SPAG16: variants seen among roughly 807,000 people sequenced by gnomAD.
The protein encoded by SPAG16 is sperm associated antigen 16, also known as sperm-associated antigen 16 protein.
In SPAG16, 86 loss-of-function variants were observed where a neutral mutation model predicts 80.4. That is an observed-to-expected ratio of 1.07 (90% CI 0.90 to 1.28). SPAG16 has a LOEUF of 1.28. Ranked by LOEUF, SPAG16 falls within the 50% of genes most tolerant of loss-of-function variation. The pLI is 0.00. For missense variants in SPAG16, 870 were observed against 765.3 expected (o/e 1.14, Z -1.61); for synonymous variants, 294 against 265.9 (o/e 1.11, Z -1.03).
intron 11 of SPAG16, among the ~76,000 whole-genome samples, chr2:213,914,424 A>T (rs2077851107): frequency 6.6e-6 from 1 of 152,090 alleles, no homozygotes; most frequent in Admixed American, 6.6e-5. Context: ...AAATTTATTT[A>T]TTTTATTACT....
intron 12 of SPAG16, among the ~76,000 whole-genome samples, chr2:213,931,685 AC>A (rs2078757655): frequency 6.6e-6 from 1 of 152,120 alleles, no homozygotes; most frequent in Non-Finnish European, 1.5e-5. Flanking sequence ...TGACTTGACA[AC>A]TTTTCTTTAT....
chr2:213,861,929 G>A (rs924430683), intron 10 of SPAG16, among the ~76,000 whole-genome samples: 19 of 152,088 alleles, frequency 1.2e-4, no homozygotes, highest in Admixed American at 1.0e-3. Context: ...CAATTTAAGT[G>A]GTAATGTAGG....
chr2:214,074,701 C>G (rs2050978980), intron 13 of SPAG16, among the ~76,000 whole-genome samples: 1 of 151,814 alleles, frequency 6.6e-6, no homozygotes, highest in African/African-American at 2.4e-5. Flanking sequence ...AATAAAAAGA[C>G]AGTTTTCAAT....
rs575629091 is a variant in SPAG16 at position 213,615,361 on chromosome 2, C to G, written c.1070+125271C>G. 2.6e-5 allele frequency among the ~76,000 whole-genome samples: 4 copies of G among 152,304 alleles called. No homozygotes were observed. In the East Asian group the frequency reaches 7.7e-4, roughly 29 times the overall value. On this transcript the variant is annotated intron_variant, in intron 10 of 15. Transcript: ENST00000331683. ...TAATCCCAGCACTGGGAGGCTGAGG[C>G]GGGCAGATCACCTGAGGCCAGGAAT...
intron 14 of SPAG16, among the ~76,000 whole-genome samples, chr2:214,138,140 A>G (rs377663503): frequency 1.3e-5 from 2 of 152,118 alleles, no homozygotes; most frequent in African/African-American, 2.4e-5. Context: ...GAGGATTTTC[A>G]TCAGAGAGCA....
At chr2:214,366,699 A>G (rs1699503857) in intron 15 of SPAG16, among the ~76,000 whole-genome samples, 1 of 152,176 alleles carries the variant, frequency 6.6e-6, no homozygotes, top group Non-Finnish European at 1.5e-5. Context: ...TGCCTGAATG[A>G]GCTTCTAATC....
chr2:213,508,197 C>T (rs2075050274), intron 10 of SPAG16, among the ~76,000 whole-genome samples: 1 of 152,188 alleles, frequency 6.6e-6, no homozygotes, highest in African/African-American at 2.4e-5. Flanking sequence ...AGACTTGGAT[C>T]CAAGCCAAAT....
At chr2:214,213,374 A>G (rs1418560561) in intron 15 of SPAG16, among the ~76,000 whole-genome samples, 2 of 152,170 alleles carry the variant, frequency 1.3e-5, no homozygotes, top group South Asian at 2.1e-4. Flanking sequence ...ACAGAACTCC[A>G]TACACATTGA....
At chr2:214,091,006 G>A (rs959542916) in intron 13 of SPAG16, among the ~76,000 whole-genome samples, 26 of 152,050 alleles carry the variant, frequency 1.7e-4, no homozygotes, top group African/African-American at 6.0e-4. Context: ...TCTGTCTTGA[G>A]GTCATAAAAT....
chr2:213,430,645 T>A (rs1187069758), intron 9 of SPAG16, among the ~76,000 whole-genome samples: 1 of 152,142 alleles, frequency 6.6e-6, no homozygotes, highest in African/African-American at 2.4e-5. Context: ...GCAAAAAGTT[T>A]AGAAAACCTA....
At chr2:214,177,918 T>C (rs868810378) in intron 15 of SPAG16, among the ~76,000 whole-genome samples, 15 of 127,472 alleles carry the variant, frequency 1.2e-4, no homozygotes, top group East Asian at 2.7e-4. Flanking sequence ...TATATATACA[T>C]ATATATATAT....
At chr2:214,242,555 T>C (rs1912208) in intron 15 of SPAG16, among the ~76,000 whole-genome samples, 148,635 of 152,218 alleles carry the variant, frequency 0.98, 72,685 homozygotes, top group East Asian at 1. Context: ...ACTCTAGTCA[T>C]TGAATCTACC....
chr2:213,599,257 G>A (rs1177256768), intron 10 of SPAG16, among the ~76,000 whole-genome samples: 1 of 152,190 alleles, frequency 6.6e-6, no homozygotes, highest in African/African-American at 2.4e-5. Flanking sequence ...ATTATATGCT[G>A]CTTCTTGCTT....
intron 10 of SPAG16, among the ~76,000 whole-genome samples, chr2:213,575,915 G>T (rs553922504): frequency 1.3e-5 from 2 of 152,072 alleles, no homozygotes; most frequent in Non-Finnish European, 1.5e-5. Context: ...TTACTTAATT[G>T]ATTCCTATGT....
intron 15 of SPAG16, chr2:214,239,166 G>A (rs1339858882): frequency 6.6e-6 from 1 of 152,028 alleles, no homozygotes; most frequent in Non-Finnish European, 1.5e-5. Context: ...GAATAGCTAA[G>A]ACTACAGGCA....
chr2:214,078,316 G>A (rs954212082), intron 13 of SPAG16, among the ~76,000 whole-genome samples: 2 of 152,064 alleles, frequency 1.3e-5, no homozygotes, highest in African/African-American at 4.8e-5. Context: ...ACTTTGGTAG[G>A]TTGAGGCAGG....
intron 13 of SPAG16, among the ~76,000 whole-genome samples, chr2:214,048,389 C>T (rs1019462547): frequency 1.3e-5 from 2 of 152,086 alleles, no homozygotes; most frequent in African/African-American, 4.8e-5. Context: ...AAAAAAATGT[C>T]ATCTTCTCAC....
At chr2:213,728,098 C>T (rs574399084) in intron 10 of SPAG16, among the ~76,000 whole-genome samples, 56 of 152,288 alleles carry the variant, frequency 3.7e-4, no homozygotes, top group African/African-American at 1.2e-3. Context: ...ATCTGCCTGC[C>T]TCGGCCTCCC....
At chr2:213,803,800 C>T (rs1292781114) in intron 10 of SPAG16, among the ~76,000 whole-genome samples, 1 of 152,100 alleles carries the variant, frequency 6.6e-6, no homozygotes, top group Non-Finnish European at 1.5e-5. Flanking sequence ...CACGGTGGTG[C>T]CATCCTAGCT....
Sources: gnomAD v4.1 joint callset for allele counts (sites outside exome capture counted in the v4.1 genomes callset) on GRCh38, gnomAD v4.1.1 for gene constraint, MANE v1.5 for transcripts, NCBI Gene and HGNC (gene_info 2026-07-23, HGNC 2026-07-21) for gene names.